Variants in PCDH9 observed in about 807,000 individuals in gnomAD.
PCDH9 encodes the protein protocadherin-9.
Under a neutral mutation model 70.6 loss-of-function variants are expected in PCDH9, and 24 were observed. The observed-to-expected ratio is 0.34, with a 90% confidence interval of 0.25 to 0.48. The LOEUF (loss-of-function observed/expected upper bound fraction) is 0.48, where lower values mean the gene tolerates loss of function less well. Ranked by LOEUF, PCDH9 falls within the 20% of genes least tolerant of loss-of-function variation. PCDH9 has a pLI of 0.99. For missense variants in PCDH9, 1,281 were observed against 1,503.6 expected, an observed-to-expected ratio of 0.85 and a Z score of 2.45; for synonymous variants, 562 against 558.5, an observed-to-expected ratio of 1.01 and a Z score of -0.09.
In PCDH9 at chr13:66,806,435, A is replaced by G. The variant is rs781305461; in HGVS notation, c.3138+97069T>C. 5.9e-5 allele frequency among the ~76,000 whole-genome samples: 9 copies of G among 152,048 alleles called. No individual in the cohort carries two copies. The South Asian group carries it at 1.7e-3, about 28-fold the overall frequency. On this transcript the variant is annotated intron_variant, in intron 3 of 4. Coordinates refer to ENST00000377865, the MANE Select transcript of PCDH9 (RefSeq NM_203487.3). ...GCCAGTATCCCATGTGAAATAGACT[A>G]TTGGTTACTATGTTGGAACAGGCCC...
At chr13:66,723,917 C>A (rs1000323962) in intron 3 of PCDH9, among the ~76,000 whole-genome samples, 1 of 152,144 alleles carries the variant, frequency 6.6e-6, no homozygotes, top group Non-Finnish European at 1.5e-5. Flanking sequence ...ATTCCCATCC[C>A]AAGGATAGTC....
intron 3 of PCDH9, among the ~76,000 whole-genome samples, chr13:66,858,225 C>G (rs1296080032): frequency 6.6e-6 from 1 of 152,136 alleles, no homozygotes; most frequent in African/African-American, 2.4e-5. Context: ...CATTAAATAA[C>G]AAGCTCCATA....
chr13:66,847,678 C>T (rs2081236072), intron 3 of PCDH9, among the ~76,000 whole-genome samples: 1 of 152,156 alleles, frequency 6.6e-6, no homozygotes. Context: ...CATCACTACT[C>T]ATGAGCTTTG....
At chr13:66,739,457 C>T (rs1217435820) in intron 3 of PCDH9, among the ~76,000 whole-genome samples, 1 of 150,324 alleles carries the variant, frequency 6.7e-6, no homozygotes, top group Non-Finnish European at 1.5e-5. Flanking sequence ...CACCAGCTAA[C>T]ATCATAATGA....
intron 2 of PCDH9, among the ~76,000 whole-genome samples, chr13:67,174,643 T>C (rs1278452653): frequency 1.3e-5 from 2 of 152,148 alleles, no homozygotes; most frequent in Non-Finnish European, 2.9e-5. Context: ...CTTACTTTGT[T>C]TTAATGTCAA....
intron 3 of PCDH9, among the ~76,000 whole-genome samples, chr13:66,788,843 G>T (rs1349323809): frequency 6.6e-6 from 1 of 151,748 alleles, no homozygotes; most frequent in Non-Finnish European, 1.5e-5. Flanking sequence ...CTCTTTCCCA[G>T]CAACACAGGA....
intron 2 of PCDH9, among the ~76,000 whole-genome samples, chr13:66,932,167 G>A (rs2082822020): frequency 6.6e-6 from 1 of 152,066 alleles, no homozygotes; most frequent in South Asian, 2.1e-4. Flanking sequence ...AAGAGTACCA[G>A]GGCACTTTTG....
intron 3 of PCDH9, among the ~76,000 whole-genome samples, chr13:66,690,143 T>C (rs758646594): frequency 2.6e-5 from 4 of 152,216 alleles, no homozygotes; most frequent in Non-Finnish European, 4.4e-5. Flanking sequence ...TATTATTCTC[T>C]TCTAAATAAA....
chr13:66,968,356 C>T (rs1232371177), intron 2 of PCDH9, among the ~76,000 whole-genome samples: 1 of 151,960 alleles, frequency 6.6e-6, no homozygotes, highest in Admixed American at 6.6e-5. Context: ...TGGCTTTGTA[C>T]GGTATACTTC....
At chr13:66,685,917 G>T (rs2078394861) in intron 3 of PCDH9, among the ~76,000 whole-genome samples, 1 of 152,174 alleles carries the variant, frequency 6.6e-6, no homozygotes, top group Non-Finnish European at 1.5e-5. Flanking sequence ...TTGTATCTAG[G>T]AAGTAACTAA....
chr13:67,227,203 G>T lies in PCDH9; in HGVS notation c.1238C>A (p.Ala413Glu). 1 of 1,612,564 alleles carries T rather than the reference G, an allele frequency of 6.2e-7. No individual in the cohort carries two copies. Among genetic ancestry groups the T allele is most frequent in the Non-Finnish European group, 8.5e-7 (1 of 1,178,638 alleles). Residue 413 changes from alanine to glutamate, a missense_variant, in exon 2 of 5, where the codon GCG becomes GAG. Transcript: ENST00000377865. This position sits in a 1 kb window ranked among gnomAD's most constrained non-coding sequence, Gnocchi z 4.6. ...IEREVPFHLK[A>E]VYDNQYLLET... is the part of the protein sequence containing the mutation. ...TAACAAATATTGGTTGTCATATACC[G>T]CCTTCAAATGAAATGGGACCTCTCT...
Position 67,227,752 on chromosome 13 carries a change from G to A in PCDH9, c.689C>T (p.Pro230Leu). The change falls in exon 2 of 5, where the codon CCA (proline) becomes CTA (leucine). Residue 230 changes from proline to leucine, a missense_variant. By Grantham distance (98) the Pro-to-Leu change is moderately conservative. Around this residue, in one of 4 missense-constraint regions of PCDH9, gnomAD observed 798 missense variants for 1,003.1 expected, o/e 0.80. Coordinates refer to ENST00000377865, the MANE Select transcript of PCDH9 (RefSeq NM_203487.3). The surrounding 1 kb of genome is among the most constrained non-coding windows in gnomAD (Gnocchi z 4.6). Reference sequence around the variant, plus strand: ...CAGTATGGCCGTACTGGATTTCTGTGGAGTGCCTCCATCCTCTACTTTGAT... The same window carrying A: ...CAGTATGGCCGTACTGGATTTCTGTAGAGTGCCTCCATCCTCTACTTTGAT... ...MKIKVEDGGT[P>L]QKSSTAILQV... is the part of the protein sequence containing the mutation. The A allele has an allele frequency of 6.2e-7, 1 of 1,613,590 alleles. No individual in the cohort carries two copies. The highest frequency in any genetic ancestry group is 8.5e-7 in the Non-Finnish European group (1 of 1,179,532).
intron 4 of PCDH9, among the ~76,000 whole-genome samples, chr13:66,504,011 T>G (rs985831511): frequency 6.6e-6 from 1 of 152,224 alleles, no homozygotes; most frequent in Non-Finnish European, 1.5e-5. Flanking sequence ...TCATGCCACC[T>G]GCTTCTTAGC....
At chr13:66,369,018 C>T (rs1450683666) in intron 4 of PCDH9, among the ~76,000 whole-genome samples, 1 of 152,174 alleles carries the variant, frequency 6.6e-6, no homozygotes, top group African/African-American at 2.4e-5. Context: ...GCAGCCAAGC[C>T]ATATTAATTA....
At chr13:66,599,292 T>G (rs1030997997) in intron 4 of PCDH9, among the ~76,000 whole-genome samples, 1 of 151,794 alleles carries the variant, frequency 6.6e-6, no homozygotes. Context: ...ATGTAATATG[T>G]ATTTGTTTTA....
chr13:67,146,654 G>A (rs563134745), intron 2 of PCDH9, among the ~76,000 whole-genome samples: 92 of 152,270 alleles, frequency 6.0e-4, no homozygotes, highest in Non-Finnish European at 6.2e-4. Context: ...ATCCTTCCAG[G>A]AATCTTTGAG....
intron 3 of PCDH9, among the ~76,000 whole-genome samples, chr13:66,797,782 T>C (rs528039933): frequency 1.2e-4 from 18 of 152,176 alleles, no homozygotes; most frequent in Admixed American, 9.8e-4. Context: ...GACATCACTG[T>C]ATATAGAAAA....
At chr13:66,425,446 A>C (rs1957652231) in intron 4 of PCDH9, among the ~76,000 whole-genome samples, 1 of 151,450 alleles carries the variant, frequency 6.6e-6, no homozygotes, top group Non-Finnish European at 1.5e-5. Context: ...CAGCCAATAA[A>C]CTGTAGGTAT....
chr13:66,785,404 A>G (rs1225283259), intron 3 of PCDH9, among the ~76,000 whole-genome samples: 1 of 151,872 alleles, frequency 6.6e-6, no homozygotes, highest in Non-Finnish European at 1.5e-5. Context: ...TCTTCATCGT[A>G]CCTTTACTCA....
Sources: allele counts gnomAD v4.1 joint callset (sites outside exome capture counted in the v4.1 genomes callset), GRCh38; gene constraint gnomAD v4.1.1; regional missense constraint gnomAD v4.1.1; non-coding constraint Gnocchi (gnomAD v3.1); transcripts MANE v1.5; gene names NCBI Gene and HGNC (gene_info 2026-07-23, HGNC 2026-07-21).